Variants in ASZ1 observed in about 807,000 individuals in gnomAD.
ASZ1 encodes ankyrin repeat, SAM and basic leucine zipper domain-containing protein 1.
A neutral mutation model predicts 61.8 loss-of-function variants in ASZ1; 67 were observed. The observed-to-expected ratio is 1.08, with a 90% CI of 0.89 to 1.33. The LOEUF (loss-of-function observed/expected upper bound fraction) is 1.33. ASZ1 is among the 40% of genes most tolerant of loss of function. The probability of loss-of-function intolerance (pLI) is 0.00; values close to 1 mark genes in which losing one functional copy is unlikely to be tolerated. For synonymous variants in ASZ1, 193 were observed against 192.7 expected, an observed-to-expected ratio of 1.00 and a Z score of -0.01; for missense variants, 577 against 554.5, an observed-to-expected ratio of 1.04 and a Z score of -0.41.
chr7:117,380,809 TAA>T (rs1796235278), intron 9 of ASZ1, among the ~76,000 whole-genome samples, 200 bp downstream of exon 9: 1 of 144,772 alleles, frequency 6.9e-6, no homozygotes, highest in Non-Finnish European at 1.5e-5. Context: ...ACCCAAACTA[TAA>T]GTCATTACAT....
intron 4 of ASZ1, among the ~76,000 whole-genome samples, chr7:117,392,325 G>C (rs116252219): frequency 0.022 from 3,415 of 152,102 alleles, 122 homozygotes; most frequent in African/African-American, 0.079. Flanking sequence ...TTCTTGGTTA[G>C]ATGTATTCTA....
chr7:117,385,835 T>C, intron 4 of ASZ1, 26 bp from the exon 5 acceptor site: 1 of 1,521,578 alleles, frequency 6.6e-7, no homozygotes, highest in Non-Finnish European at 9.1e-7. Context: ...AAAGGAAACA[T>C]TTGTGTTAAT....
At chr7:117,389,578 T>C (rs1471693496) in intron 4 of ASZ1, among the ~76,000 whole-genome samples, 1 of 151,966 alleles carries the variant, frequency 6.6e-6, no homozygotes. Context: ...CACTTAGGGG[T>C]AGTTATGAAC....
intron 4 of ASZ1, among the ~76,000 whole-genome samples, chr7:117,400,477 TG>T (rs1796659277): frequency 6.6e-6 from 1 of 152,186 alleles, no homozygotes; most frequent in Non-Finnish European, 1.5e-5. Context: ...CAATTAGCAT[TG>T]GCAAGTGCTA....
intron 2 of ASZ1, among the ~76,000 whole-genome samples, chr7:117,422,739 T>C (rs1442986081): frequency 1.3e-5 from 2 of 152,222 alleles, no homozygotes; most frequent in East Asian, 1.9e-4. Context: ...GTTATCTCTA[T>C]GGTTGAAAAT....
At chr7:117,403,564 T>C (rs1796720027) in intron 4 of ASZ1, among the ~76,000 whole-genome samples, 1 of 152,190 alleles carries the variant, frequency 6.6e-6, no homozygotes, top group Non-Finnish European at 1.5e-5. Context: ...GTTCCCAAGA[T>C]GTATTTTGGG....
chr7:117,388,934 C>A (rs1022111040), intron 4 of ASZ1, among the ~76,000 whole-genome samples: 1 of 152,208 alleles, frequency 6.6e-6, no homozygotes, highest in African/African-American at 2.4e-5. Context: ...GGCAAGGTTA[C>A]AGCATTCAAG....
chr7:117,416,626 G>C (rs1796998769), intron 4 of ASZ1, among the ~76,000 whole-genome samples: 1 of 152,170 alleles, frequency 6.6e-6, no homozygotes, highest in South Asian at 2.1e-4. Context: ...GAGGGAACTG[G>C]ACTGGCAAGA....
intron 11 of ASZ1, 159 bp from the exon 12 acceptor site, chr7:117,367,624 A>C: frequency 8.8e-7 from 1 of 1,142,258 alleles, no homozygotes; most frequent in East Asian, 3.4e-5. Flanking sequence ...AAGTAATTTT[A>C]TAAAAATATA....
intron 4 of ASZ1, among the ~76,000 whole-genome samples, chr7:117,387,815 T>C (rs1211021370): frequency 1.3e-5 from 2 of 152,234 alleles, no homozygotes; most frequent in African/African-American, 4.8e-5. Flanking sequence ...ACTGTGCAAG[T>C]GCTCTTGCCT....
At chr7:117,424,828 A>G (rs1419461033) in intron 2 of ASZ1, among the ~76,000 whole-genome samples, 1 of 152,206 alleles carries the variant, frequency 6.6e-6, no homozygotes, top group Non-Finnish European at 1.5e-5. Flanking sequence ...CTCAAGTTCC[A>G]TTGTCCAAAA....
At chr7:117,365,233 T>C (rs1795912309) in intron 12 of ASZ1, among the ~76,000 whole-genome samples, 1 of 152,156 alleles carries the variant, frequency 6.6e-6, no homozygotes, top group Admixed American at 6.5e-5. Context: ...TATTATAAAC[T>C]AATACATGTT....
In ASZ1 at chr7:117,384,878, A is replaced by T. The variant is rs1188310255; in HGVS notation, c.553-18T>A. 2 of 1,549,584 alleles carry T rather than the reference A, an allele frequency of 1.3e-6. No homozygotes were observed. Among genetic ancestry groups the T allele is most frequent in the Non-Finnish European group, 1.7e-6 (2 of 1,155,748 alleles). On this transcript the variant is annotated intron_variant, in intron 5 of 12. Transcript: ENST00000284629. ...GTTAAAGCCTGTAAGTAGGGGGAAA[A>T]GAAGATTGTTTAAAGAGAAGGAGTG...
intron 4 of ASZ1, among the ~76,000 whole-genome samples, chr7:117,391,602 A>T (rs1394097019): frequency 6.6e-6 from 1 of 151,974 alleles, no homozygotes; most frequent in Non-Finnish European, 1.5e-5. Flanking sequence ...TTTGTTGAAG[A>T]TTAGTTGGTT....
chr7:117,382,585 G>A (rs528863917), intron 7 of ASZ1, among the ~76,000 whole-genome samples: 3 of 152,212 alleles, frequency 2.0e-5, no homozygotes, highest in Non-Finnish European at 4.4e-5. Flanking sequence ...ATGGGGTAAG[G>A]AGAGAATTAT....
At chr7:117,364,475 A>G (rs1404607473) in intron 12 of ASZ1, among the ~76,000 whole-genome samples, 2 of 151,842 alleles carry the variant, frequency 1.3e-5, no homozygotes, top group African/African-American at 2.4e-5. Flanking sequence ...GAAAAGACTT[A>G]AAGAGGGAGG....
chr7:117,384,919 G>T, intron 5 of ASZ1, 59 bp from the exon 6 acceptor site: 2 of 1,419,674 alleles, frequency 1.4e-6, no homozygotes, highest in Non-Finnish European at 1.9e-6. Flanking sequence ...GAGACAGACA[G>T]GAAAAGTTTT....
intron 10 of ASZ1, among the ~76,000 whole-genome samples, chr7:117,369,236 T>C (rs1210379586): frequency 1.3e-5 from 2 of 151,964 alleles, no homozygotes; most frequent in Non-Finnish European, 2.9e-5. Flanking sequence ...GTTTGCCAAG[T>C]AGGTAAGGAA....
chr7:117,383,764 G>C (rs962039034), intron 6 of ASZ1, among the ~76,000 whole-genome samples: 1 of 151,904 alleles, frequency 6.6e-6, no homozygotes, highest in African/African-American at 2.4e-5. Context: ...CTTATGTCAA[G>C]TTTGGTGTCA....
Sources: gnomAD v4.1 joint callset for allele counts (sites outside exome capture counted in the v4.1 genomes callset) on GRCh38, gnomAD v4.1.1 for gene constraint, MANE v1.5 for transcripts, NCBI Gene and HGNC (gene_info 2026-07-23, HGNC 2026-07-21) for gene names.